Variants in PTPRT observed in about 807,000 individuals in gnomAD.
The protein encoded by PTPRT is receptor-type tyrosine-protein phosphatase T.
PTPRT carries 56 observed loss-of-function variants against 176.8 expected under a neutral mutation model. The observed-to-expected ratio is 0.32, with a 90% CI of 0.26 to 0.40. PTPRT has a LOEUF of 0.40. Ranked by LOEUF, PTPRT falls within the 10% of genes least tolerant of loss-of-function variation. The pLI, the probability that PTPRT is intolerant of heterozygous loss-of-function variation, is 1.00. For synonymous variants in PTPRT, 783 were observed against 739.0 expected (o/e 1.06, Z -0.96); for missense variants, 1,540 against 1,908.2 (o/e 0.81, Z 3.60).
chr20:43,078,694 G>C (rs2011349613), intron 1 of PTPRT, among the ~76,000 whole-genome samples: 1 of 152,212 alleles, frequency 6.6e-6, no homozygotes, highest in African/African-American at 2.4e-5. Context: ...TGCCATGGCA[G>C]CATACACTGT....
At chr20:42,765,262 G>A (rs2076967187) in intron 5 of PTPRT, among the ~76,000 whole-genome samples, 1 of 152,192 alleles carries the variant, frequency 6.6e-6, no homozygotes, top group South Asian at 2.1e-4. Flanking sequence ...TGGTGGGGCT[G>A]ACAGACTCTG....
intron 7 of PTPRT, among the ~76,000 whole-genome samples, chr20:42,612,706 A>G (rs2073995620): frequency 1.3e-5 from 2 of 152,130 alleles, no homozygotes; most frequent in Non-Finnish European, 2.9e-5. Flanking sequence ...CAAACCCAGA[A>G]GCCTCAAGCT....
At position 42,235,666 on chromosome 20, in the gene PTPRT, G is replaced by C. The variant is rs1022433631; in HGVS notation, c.2342+563C>G. On this transcript the variant is annotated intron_variant, in intron 15 of 30. Transcript: ENST00000373187. ...CCAACAAAATGCACTGATAATATGA[G>C]ATAAATAATGCTAAACACCAAACAC... 8.2e-4 allele frequency among the ~76,000 whole-genome samples: 124 copies of C among 152,114 alleles called. 1 individual carries two copies. The highest frequency in any genetic ancestry group is 2.2e-4 in the Non-Finnish European group (15 of 68,034).
intron 15 of PTPRT, among the ~76,000 whole-genome samples, chr20:42,229,257 C>T (rs2056085207): frequency 6.6e-6 from 1 of 152,188 alleles, no homozygotes; most frequent in South Asian, 2.1e-4. Flanking sequence ...GGGTGAGGCT[C>T]AGGAATCAGA....
chr20:42,652,617 C>T (rs1403008088), intron 7 of PTPRT, among the ~76,000 whole-genome samples: 1 of 152,158 alleles, frequency 6.6e-6, no homozygotes, highest in African/African-American at 2.4e-5. Flanking sequence ...TCCTACTCAT[C>T]ACATTCCTTT....
intron 1 of PTPRT, among the ~76,000 whole-genome samples, chr20:42,979,892 C>T (rs6016929): frequency 0.6 from 89,682 of 148,246 alleles, 27,663 homozygotes; most frequent in Middle Eastern, 0.69. Flanking sequence ...CAAATCTCAG[C>T]CAGAGAACCC....
chr20:42,162,888 A>G (rs1212909925), intron 16 of PTPRT, among the ~76,000 whole-genome samples: 1 of 152,254 alleles, frequency 6.6e-6, no homozygotes, highest in African/African-American at 2.4e-5. Context: ...AGCATCGGCA[A>G]GCCTGTTCCT....
rs374930365 is a variant in PTPRT, at chr20:42,115,218, C to T, written c.3080G>A (p.Arg1027His). 1.4e-5 allele frequency: 22 copies of T among 1,613,640 alleles called. No individual in the cohort carries two copies. The highest frequency in any genetic ancestry group is 2.2e-5 in the East Asian group (1 of 44,872). The stretch of plus-strand genomic sequence containing the variant: ...GCTTACCTTCTGGACTGTGAAGGTG[C>T]GTATGACGTATTCTGCCAGGGGCTC... Reference protein sequence around the residue: ...ETEPLAEYVIRTFTVQKKGYH... With the variant: ...ETEPLAEYVIHTFTVQKKGYH... The change falls in exon 22 of 31, where the codon CGC becomes CAC. Residue 1027 changes from arginine to histidine, a missense_variant. Around this residue, in one of 11 missense-constraint regions of PTPRT, gnomAD observed 248 missense variants for 356.7 expected, o/e 0.70. Coordinates refer to ENST00000373187, the MANE Select transcript of PTPRT (RefSeq NM_007050.6).
chr20:42,267,776 A>T (rs1029810407), intron 13 of PTPRT, among the ~76,000 whole-genome samples: 16 of 152,290 alleles, frequency 1.1e-4, no homozygotes, highest in African/African-American at 3.1e-4. Context: ...TGCCATAGAG[A>T]ATGAATTCCT....
intron 9 of PTPRT, among the ~76,000 whole-genome samples, chr20:42,411,237 G>T (rs1432766895): frequency 2.0e-5 from 3 of 152,122 alleles, no homozygotes; most frequent in Admixed American, 6.5e-5. Flanking sequence ...TTGAGGCCAA[G>T]AGTTTAAGAC....
intron 1 of PTPRT, among the ~76,000 whole-genome samples, chr20:43,058,730 T>C (rs1223890330): frequency 1.3e-5 from 2 of 152,236 alleles, no homozygotes; most frequent in Admixed American, 1.3e-4. Flanking sequence ...GATCAGTGGC[T>C]CCTTTTGTCT....
intron 7 of PTPRT, among the ~76,000 whole-genome samples, chr20:42,488,703 G>A (rs934916871): frequency 9.2e-5 from 14 of 152,146 alleles, no homozygotes; most frequent in African/African-American, 3.4e-4. Context: ...AGTGGCTCAT[G>A]CCTGTAATCC....
At chr20:42,559,536 T>C (rs2072915671) in intron 7 of PTPRT, among the ~76,000 whole-genome samples, 1 of 152,136 alleles carries the variant, frequency 6.6e-6, no homozygotes, top group Non-Finnish European at 1.5e-5. Context: ...AGGCATGCCA[T>C]TACTATTAAA....
In PTPRT at chr20:42,575,004, G is replaced by A. The variant is rs143596096; in HGVS notation, c.1154-102442C>T. On this transcript the variant is annotated intron_variant, in intron 7 of 30. Coordinates refer to ENST00000373187, the MANE Select transcript of PTPRT (RefSeq NM_007050.6). The stretch of plus-strand genomic sequence containing the variant: ...GGCCTCCCCAGCCATGCAGAACTGT[G>A]AGTCAATTAAACCTCTTTTCTTTAT... 4.6e-5 allele frequency among the ~76,000 whole-genome samples: 7 copies of A among 152,266 alleles called. No homozygotes were observed. The East Asian group carries it at 1.4e-3, about 29-fold the overall frequency.
chr20:42,264,643 C>A (rs1043619224), intron 13 of PTPRT, among the ~76,000 whole-genome samples: 1 of 152,220 alleles, frequency 6.6e-6, no homozygotes, highest in Admixed American at 6.5e-5. Flanking sequence ...TCAAGGGGAA[C>A]TAGAGGATGC....
intron 2 of PTPRT, among the ~76,000 whole-genome samples, chr20:42,812,638 T>TA (rs1422854076): frequency 6.6e-6 from 1 of 152,120 alleles, no homozygotes; most frequent in Non-Finnish European, 1.5e-5. Context: ...ATTTTTTTTT[T>TA]ATCCAGAGGC....
At chr20:42,276,522 T>C (rs1685494508) in intron 13 of PTPRT, among the ~76,000 whole-genome samples, 2 of 36,482 alleles carry the variant, frequency 5.5e-5, no homozygotes, top group Admixed American at 2.3e-4. Context: ...TATATATATA[T>C]ATATATATAT....
intron 11 of PTPRT, among the ~76,000 whole-genome samples, chr20:42,348,776 A>G (rs1318642738): frequency 6.6e-6 from 1 of 152,176 alleles, no homozygotes; most frequent in Non-Finnish European, 1.5e-5. Context: ...GACAGCATGT[A>G]GGCCTGCTTG....
intron 1 of PTPRT, among the ~76,000 whole-genome samples, chr20:43,166,640 C>T (rs186451659): frequency 1.3e-5 from 2 of 152,208 alleles, no homozygotes; most frequent in Admixed American, 6.5e-5. Context: ...ACCATGAGTA[C>T]CGGCATTTTC....
Sources: allele counts gnomAD v4.1 joint callset (sites outside exome capture counted in the v4.1 genomes callset), GRCh38; gene constraint gnomAD v4.1.1; regional missense constraint gnomAD v4.1.1; transcripts MANE v1.5; gene names NCBI Gene and HGNC (gene_info 2026-07-23, HGNC 2026-07-21).